Variants in STRBP observed in about 807,000 individuals in gnomAD.
STRBP encodes spermatid perinuclear RNA-binding protein.
A neutral mutation model predicts 80.1 loss-of-function variants in STRBP; 13 were observed. The observed-to-expected ratio is 0.16, with a 90% CI of 0.11 to 0.26. STRBP has a LOEUF of 0.26. Ranked by LOEUF, STRBP falls within the 10% of genes least tolerant of loss-of-function variation. STRBP has a pLI of 1.00. For synonymous variants in STRBP, 284 were observed against 291.2 expected (o/e 0.98, Z 0.25); for missense variants, 485 against 815.2 (o/e 0.59, Z 4.93).
At chr9:123,247,571 C>T (rs2040824453) in intron 1 of STRBP, among the ~76,000 whole-genome samples, 1 of 152,060 alleles carries the variant, frequency 6.6e-6, no homozygotes, top group African/African-American at 2.4e-5. Flanking sequence ...GCCCAGCCTC[C>T]TAGCTGTACT....
intron 2 of STRBP, among the ~76,000 whole-genome samples, chr9:123,221,429 T>C (rs924841386): frequency 6.6e-6 from 1 of 152,162 alleles, no homozygotes; most frequent in Non-Finnish European, 1.5e-5. Flanking sequence ...GATTAGAAGA[T>C]CTCTTAAGAC....
At chr9:123,140,660 C>T (rs1256756887) in intron 13 of STRBP, among the ~76,000 whole-genome samples, 2 of 152,134 alleles carry the variant, frequency 1.3e-5, no homozygotes. Flanking sequence ...TAGGTTTATT[C>T]TCTATACTAA....
intron 3 of STRBP, 38 bp from the exon 4 acceptor site, chr9:123,179,265 A>G (rs1484358746): frequency 6.5e-7 from 1 of 1,542,090 alleles, no homozygotes; most frequent in Admixed American, 1.7e-5. Flanking sequence ...CTTCAACAAA[A>G]GAAACATCAC....
intron 2 of STRBP, among the ~76,000 whole-genome samples, chr9:123,194,341 T>C (rs1189364461): frequency 6.6e-6 from 1 of 152,120 alleles, no homozygotes; most frequent in African/African-American, 2.4e-5. Flanking sequence ...ACTCAAACTC[T>C]ACTGGATCCC....
At chr9:123,195,744 G>A (rs1003615124) in intron 2 of STRBP, among the ~76,000 whole-genome samples, 3 of 152,124 alleles carry the variant, frequency 2.0e-5, no homozygotes, top group Non-Finnish European at 4.4e-5. Context: ...GATTGGAAGC[G>A]TCAATATTGT....
intron 3 of STRBP, among the ~76,000 whole-genome samples, chr9:123,182,216 TTAAAAAAA>T (rs1264897011): frequency 2.0e-4 from 19 of 94,562 alleles, no homozygotes; most frequent in African/African-American, 8.3e-4. Context: ...CTCCGTTTCT[TTAAAAAAA>T]AAAAAAAAAA....
intron 2 of STRBP, among the ~76,000 whole-genome samples, chr9:123,225,485 T>G (rs766364211): frequency 6.4e-4 from 97 of 152,324 alleles, no homozygotes; most frequent in Non-Finnish European, 1.0e-3. Context: ...CTGAATCCTC[T>G]TTCCTATGTT....
rs563708424 is a variant in STRBP, at chr9:123,249,483, A to G, written c.-301-12517T>C. Among the ~76,000 whole-genome samples, 18 of 151,672 alleles carry G rather than the reference A, an allele frequency of 1.2e-4. 1 individual carries two copies. The South Asian group carries it at 3.3e-3, about 28-fold the overall frequency. On this transcript the variant is annotated intron_variant, in intron 1 of 18. Coordinates refer to ENST00000348403, the MANE Select transcript of STRBP (RefSeq NM_018387.5). ...AGCAAGACTCCATCTGTACAAAAAA[A>G]TTAAAAAACTAGCTGGGCATGATGG...
chr9:123,173,947 T>C (rs891778297), intron 4 of STRBP, 105 bp from the exon 5 acceptor site: 7 of 1,245,148 alleles, frequency 5.6e-6, no homozygotes, highest in East Asian at 2.5e-5. Context: ...TAAGGGAGTA[T>C]GTAAATCCAG....
chr9:123,255,356 C>T (rs892701101), intron 1 of STRBP, among the ~76,000 whole-genome samples: 1 of 152,314 alleles, frequency 6.6e-6, no homozygotes, highest in African/African-American at 2.4e-5. Context: ...GCATGCAAAC[C>T]TTTTAATTCA....
chr9:123,114,658 C>T (rs924957625), intron 3 of STRBP: 1 of 169,164 alleles, frequency 5.9e-6, no homozygotes, highest in African/African-American at 2.4e-5. Flanking sequence ...TGGAGATGGC[C>T]CTCGCTCCAT....
rs764605963 is a variant in STRBP, at chr9:123,179,126, T to C, written c.105A>G (p.Val35=). The part of the protein sequence containing the change: ...PEELEAVQNM[V]STVECALKHV... ...GTTTAAGAGCACATTCAACAGTAGA[T>C]ACCATATTCTGAACAGCTTCAAGTT... The change falls in exon 4 of 19, where the codon GTA becomes GTG. Residue 35 remains valine (V), a synonymous_variant. Coordinates refer to ENST00000348403, the MANE Select transcript of STRBP (RefSeq NM_018387.5). 5.6e-6 allele frequency: 9 copies of C among 1,614,018 alleles called. No individual in the cohort carries two copies. In the East Asian group the frequency reaches 1.1e-4, roughly 20 times the overall value.
chr9:123,249,759 G>A (rs757886306), intron 1 of STRBP, among the ~76,000 whole-genome samples: 24 of 152,216 alleles, frequency 1.6e-4, no homozygotes, highest in African/African-American at 2.4e-4. Context: ...CTGCAAGTGT[G>A]GTTTAGGAAC....
intron 11 of STRBP, among the ~76,000 whole-genome samples, chr9:123,149,296 G>T (rs1043187898): frequency 2.6e-5 from 4 of 152,186 alleles, no homozygotes; most frequent in African/African-American, 9.7e-5. Flanking sequence ...AGAAGGCAAC[G>T]TTGGCTGAGT....
chr9:123,214,903 G>A (rs2039842374), intron 2 of STRBP, among the ~76,000 whole-genome samples: 1 of 152,032 alleles, frequency 6.6e-6, no homozygotes, highest in South Asian at 2.1e-4. Flanking sequence ...TAGTCTCTGG[G>A]CATATAGATT....
chr9:123,249,742 T>C (rs2040873225), intron 1 of STRBP, among the ~76,000 whole-genome samples: 1 of 152,228 alleles, frequency 6.6e-6, no homozygotes. Context: ...TTTCTAACTT[T>C]GCAGTTCTGC....
At chr9:123,186,726 A>C (rs1318028384) in intron 2 of STRBP, among the ~76,000 whole-genome samples, 1 of 151,950 alleles carries the variant, frequency 6.6e-6, no homozygotes, top group East Asian at 1.9e-4. Context: ...CCCAATATTT[A>C]TCAATCTGAT....
intron 17 of STRBP, among the ~76,000 whole-genome samples, chr9:123,129,576 G>C (rs1371777403): frequency 6.6e-6 from 1 of 152,040 alleles, no homozygotes; most frequent in Non-Finnish European, 1.5e-5. Flanking sequence ...CTTGAGAACA[G>C]GATCAATTAT....
chr9:123,147,885 G>A lies in STRBP; in HGVS notation c.1046-15C>T, dbSNP rs756663804. 1.0e-5 allele frequency: 16 copies of A among 1,601,670 alleles called. No individual in the cohort carries two copies. Among genetic ancestry groups the A allele is most frequent in the Admixed American group, 1.7e-5 (1 of 59,284 alleles). On this transcript the variant is annotated splice_polypyrimidine_tract_variant and intron_variant, in intron 11 of 18. Coordinates refer to ENST00000348403, the MANE Select transcript of STRBP (RefSeq NM_018387.5). ...AGACCCAGCACCTAAAAAAAATTAT[G>A]AGGGATTCATTATCAGTCAAAACAA...
Sources: gnomAD v4.1 joint callset for allele counts (sites outside exome capture counted in the v4.1 genomes callset) on GRCh38, gnomAD v4.1.1 for gene constraint, MANE v1.5 for transcripts, NCBI Gene and HGNC (gene_info 2026-07-23, HGNC 2026-07-21) for gene names.